The following MGAT5B variants were observed in gnomAD, a reference collection of about 807,000 sequenced individuals.
MGAT5B encodes alpha-1,6-mannosylglycoprotein 6-beta-N-acetylglucosaminyltransferase B.
Under a neutral mutation model 95.1 loss-of-function variants are expected in MGAT5B, and 54 were observed. That is an observed-to-expected ratio of 0.57 (90% CI 0.46 to 0.71). MGAT5B has a LOEUF of 0.71. MGAT5B is among the 30% of genes least tolerant of loss of function. The pLI, the probability that MGAT5B is intolerant of heterozygous loss-of-function variation, is 0.00. For missense variants in MGAT5B, 935 were observed against 1,088.6 expected (o/e 0.86, Z 1.99); for synonymous variants, 464 against 451.0 (o/e 1.03, Z -0.36).
At chr17:76,909,052 C>A (rs946809958) in intron 8 of MGAT5B, among the ~76,000 whole-genome samples, 2 of 152,180 alleles carry the variant, frequency 1.3e-5, no homozygotes, top group Non-Finnish European at 2.9e-5. Context: ...GGTGATCCAC[C>A]TGCTTTGGCC....
intron 1 of MGAT5B, chr17:76,872,650 A>G (rs1967048566): frequency 6.8e-7 from 1 of 1,469,442 alleles, no homozygotes; most frequent in Non-Finnish European, 9.0e-7. Context: ...GCTCGAGGCC[A>G]GCATCTTGTA....
At chr17:76,887,754 G>A (rs568201110) in intron 3 of MGAT5B, among the ~76,000 whole-genome samples, 71 of 150,918 alleles carry the variant, frequency 4.7e-4, no homozygotes, top group African/African-American at 1.7e-3. Flanking sequence ...ATGGGGTTTC[G>A]CCATATTGCC....
intron 2 of MGAT5B, among the ~76,000 whole-genome samples, chr17:76,881,554 C>G (rs981410712): frequency 6.6e-6 from 1 of 152,240 alleles, no homozygotes; most frequent in African/African-American, 2.4e-5. Context: ...CCCTGCATGT[C>G]CGGATCCATG....
chr17:76,944,605 G>T (rs1969977536), intron 15 of MGAT5B, among the ~76,000 whole-genome samples: 1 of 152,182 alleles, frequency 6.6e-6, no homozygotes, highest in East Asian at 1.9e-4. Flanking sequence ...TTCAAGGCTG[G>T]GCTGGGGATG....
intron 3 of MGAT5B, among the ~76,000 whole-genome samples, chr17:76,902,115 T>G (rs961953936): frequency 6.6e-6 from 1 of 151,152 alleles, no homozygotes; most frequent in Non-Finnish European, 1.5e-5. Flanking sequence ...CACGTGTGCA[T>G]ATGTGGGGAC....
At chr17:76,873,046 T>C (rs974033692) in intron 2 of MGAT5B, 83 bp downstream of exon 2, 1 of 1,505,366 alleles carries the variant, frequency 6.6e-7, no homozygotes, top group African/African-American at 1.4e-5. Flanking sequence ...CCTAGCCCTG[T>C]ACCTGGCTTT....
intron 15 of MGAT5B, 198 bp from the exon 16 acceptor site, chr17:76,946,178 C>G (rs12947513): frequency 2.0e-6 from 1 of 512,028 alleles, no homozygotes; most frequent in African/African-American, 2.0e-5. Flanking sequence ...GCCTGAGTCC[C>G]GGAGGGCTAC....
At chr17:76,873,042 C>A (rs543032261) in intron 2 of MGAT5B, 79 bp downstream of exon 2, 15 of 1,524,736 alleles carry the variant, frequency 9.8e-6, no homozygotes, top group Non-Finnish European at 1.3e-5. Flanking sequence ...TGAGCCTAGC[C>A]CTGTACCTGG....
At chr17:76,881,230 A>C (rs2145132290) in intron 2 of MGAT5B, among the ~76,000 whole-genome samples, 1 of 152,334 alleles carries the variant, frequency 6.6e-6, no homozygotes, top group Non-Finnish European at 1.5e-5. Flanking sequence ...GGAGGACTGC[A>C]GGCTGGCTGA....
At chr17:76,948,189 G>A (rs1473254211) in intron 17 of MGAT5B, 103 bp downstream of exon 17, 2 of 1,458,128 alleles carry the variant, frequency 1.4e-6, no homozygotes, top group Admixed American at 5.3e-5. Flanking sequence ...CCCTGCCAGT[G>A]TGGGGGGATG....
Position 76,880,834 on chromosome 17 carries a change from C to T in MGAT5B, c.182-1317C>T, listed in dbSNP as rs114370870. 2.8e-3 allele frequency among the ~76,000 whole-genome samples: 431 copies of T among 152,274 alleles called. 2 individuals are homozygous for T. The highest frequency in any genetic ancestry group is 9.6e-3 in the African/African-American group (399 of 41,562). Reference sequence around the variant, plus strand: ...GCAGTGCAGCTTTCCACAGCTTCCCCGTCTCTCTTCCTCACTCTCCTGCTG... The same window carrying T: ...GCAGTGCAGCTTTCCACAGCTTCCCTGTCTCTCTTCCTCACTCTCCTGCTG... On this transcript the variant is annotated intron_variant, in intron 2 of 17. Coordinates refer to ENST00000569840, the MANE Select transcript of MGAT5B (RefSeq NM_001199172.2).
At chr17:76,893,351 G>T (rs1967951637) in intron 3 of MGAT5B, among the ~76,000 whole-genome samples, 1 of 152,098 alleles carries the variant, frequency 6.6e-6, no homozygotes, top group African/African-American at 2.4e-5. Context: ...GCCTCCTCTG[G>T]GGACAACCCT....
chr17:76,920,514 C>T (rs955382416), intron 8 of MGAT5B, among the ~76,000 whole-genome samples: 4 of 152,200 alleles, frequency 2.6e-5, no homozygotes, highest in African/African-American at 7.2e-5. Flanking sequence ...ACTACAGCCT[C>T]CTCTCCCAGC....
chr17:76,904,244 C>T lies in MGAT5B; in HGVS notation c.520-8C>T, dbSNP rs778148452. ...GCAGCCCCCTGCCCAGCCTGGCCCT[C>T]TCTGCAGTGGATGCGTGCCCGCTGG... On this transcript the variant is annotated splice_polypyrimidine_tract_variant and splice_region_variant and intron_variant, in intron 5 of 17. Transcript: ENST00000569840. 1.9e-6 allele frequency: 3 copies of T among 1,602,836 alleles called. No homozygotes were observed. Among genetic ancestry groups the T allele is most frequent in the Non-Finnish European group, 2.6e-6 (3 of 1,175,910 alleles).
chr17:76,929,003 C>T (rs1436547124), intron 10 of MGAT5B, among the ~76,000 whole-genome samples: 4 of 151,866 alleles, frequency 2.6e-5, no homozygotes, highest in South Asian at 2.1e-4. Flanking sequence ...GTAGCTGGGA[C>T]CACAGGCACA....
chr17:76,877,064 G>A (rs1291393862), intron 2 of MGAT5B, among the ~76,000 whole-genome samples: 3 of 152,110 alleles, frequency 2.0e-5, no homozygotes, highest in South Asian at 2.1e-4. Context: ...GGTGGCTCAC[G>A]CCTGTAATCC....
At chr17:76,874,207 C>T (rs1967102525) in intron 2 of MGAT5B, among the ~76,000 whole-genome samples, 3 of 152,176 alleles carry the variant, frequency 2.0e-5, no homozygotes, top group African/African-American at 7.2e-5. Flanking sequence ...ATACCCACTT[C>T]CCAGGCTCGT....
At chr17:76,933,244 C>T (rs888505413) in intron 11 of MGAT5B, 48 bp from the exon 12 acceptor site, 1 of 1,598,008 alleles carries the variant, frequency 6.3e-7, no homozygotes, top group Non-Finnish European at 8.5e-7. Flanking sequence ...CATCACTAAC[C>T]TGCTGTCTCT....
At chr17:76,929,275 T>C (rs1012201250) in intron 10 of MGAT5B, among the ~76,000 whole-genome samples, 5 of 152,134 alleles carry the variant, frequency 3.3e-5, no homozygotes, top group African/African-American at 1.2e-4. Context: ...TTCTGCAATA[T>C]CCTGCACTGA....
Sources: allele counts gnomAD v4.1 joint callset (sites outside exome capture counted in the v4.1 genomes callset), GRCh38; gene constraint gnomAD v4.1.1; transcripts MANE v1.5; gene names NCBI Gene and HGNC (gene_info 2026-07-23, HGNC 2026-07-21).